Variants in ZC3H12B observed in about 807,000 individuals in gnomAD.
ZC3H12B encodes probable ribonuclease ZC3H12B.
ZC3H12B carries 7 observed loss-of-function variants against 43.9 expected under a neutral mutation model. That is an observed-to-expected ratio of 0.16 (90% CI 0.09 to 0.30). The LOEUF is 0.30. Among genes scored for constraint, ZC3H12B ranks in the 10% least tolerant of loss-of-function variants. The pLI is 1.00. For synonymous variants in ZC3H12B, 222 were observed against 241.7 expected, an observed-to-expected ratio of 0.92 and a Z score of 0.76; for missense variants, 475 against 670.2, an observed-to-expected ratio of 0.71 and a Z score of 3.22.
At chrX:65,055,953 T>C in the ZC3H12B span, among the ~76,000 whole-genome samples, 1 of 112,060 alleles carries the variant, frequency 8.9e-6, no homozygotes, top group East Asian at 2.8e-4. Flanking sequence ...TCATTTTTTA[T>C]TGCATGTGTT....
intron 2 of ZC3H12B, among the ~76,000 whole-genome samples, chrX:65,378,878 C>G (rs2066389790): frequency 8.9e-6 from 1 of 112,418 alleles, no homozygotes; most frequent in Non-Finnish European, 1.9e-5. Context: ...TCACTCCCAC[C>G]CTAATACTGC....
chrX:65,394,371 T>C (rs1156386029), intron 2 of ZC3H12B, among the ~76,000 whole-genome samples: 2 of 112,720 alleles, frequency 1.8e-5, no homozygotes, highest in Non-Finnish European at 1.9e-5. Context: ...CTTGAGCTAA[T>C]TTTTGTATTA....
chrX:65,235,067 A>T, the ZC3H12B span, among the ~76,000 whole-genome samples: 3 of 111,295 alleles, frequency 2.7e-5, no homozygotes, highest in African/African-American at 9.8e-5. Flanking sequence ...ATGTATATGT[A>T]TTTCATTTTC....
chrX:65,461,203 A>G (rs1460895088), intron 3 of ZC3H12B, among the ~76,000 whole-genome samples: 1 of 112,094 alleles, frequency 8.9e-6, no homozygotes, highest in African/African-American at 3.2e-5. Context: ...AAGTCAGGAA[A>G]CAACAGGTGC....
At chrX:65,101,918 G>C in the ZC3H12B span, among the ~76,000 whole-genome samples, 1 of 112,319 alleles carries the variant, frequency 8.9e-6, no homozygotes, top group East Asian at 2.8e-4. Context: ...AAACCTGGCA[G>C]AGACACAACA....
the ZC3H12B span, among the ~76,000 whole-genome samples, chrX:65,267,079 G>A: frequency 9.0e-6 from 1 of 110,514 alleles, no homozygotes; most frequent in South Asian, 3.8e-4. Flanking sequence ...TGACATTTGG[G>A]CTCCACACAA....
the ZC3H12B span, among the ~76,000 whole-genome samples, chrX:65,038,701 A>G: frequency 9.0e-6 from 1 of 111,255 alleles, no homozygotes; most frequent in Non-Finnish European, 1.9e-5. Flanking sequence ...GGCAGCATGT[A>G]AAATAGGGTA....
chrX:65,456,446 CCTGTCT>C (rs2067613149), intron 3 of ZC3H12B, among the ~76,000 whole-genome samples: 1 of 48,930 alleles, frequency 2.0e-5, no homozygotes, highest in Admixed American at 2.6e-4. Flanking sequence ...TCTCCCTCTC[CCTGTCT>C]CCACAGTCTC....
At chrX:65,201,981 C>T in the ZC3H12B span, among the ~76,000 whole-genome samples, 1 of 99,743 alleles carries the variant, frequency 1.0e-5, no homozygotes, top group East Asian at 3.0e-4. Flanking sequence ...TTTCCTGAGG[C>T]CTCCTTAGCC....
At chrX:65,227,071 T>G in the ZC3H12B span, among the ~76,000 whole-genome samples, 147 of 111,101 alleles carry the variant, frequency 1.3e-3, no homozygotes, top group Middle Eastern at 4.6e-3. Flanking sequence ...CAAATCAACA[T>G]AATATACATT....
At chrX:65,455,399 A>G (rs191819968) in intron 3 of ZC3H12B, among the ~76,000 whole-genome samples, 186 of 112,276 alleles carry the variant, frequency 1.7e-3, no homozygotes, top group Non-Finnish European at 2.5e-3. Context: ...CAAATGAATG[A>G]AATGAAGCGA....
chrX:65,053,237 C>G, the ZC3H12B span, among the ~76,000 whole-genome samples: 1 of 110,832 alleles, frequency 9.0e-6, no homozygotes, highest in African/African-American at 3.3e-5. Flanking sequence ...AGGTATATCT[C>G]CTAATGCTAT....
At chrX:65,370,467 G>T (rs1305639687) in intron 2 of ZC3H12B, among the ~76,000 whole-genome samples, 1 of 111,825 alleles carries the variant, frequency 8.9e-6, no homozygotes, top group Non-Finnish European at 1.9e-5. Flanking sequence ...AAAGTACTTT[G>T]TAGGCAATAA....
chrX:65,424,451 G>T (rs61099364), intron 3 of ZC3H12B, among the ~76,000 whole-genome samples: 9,265 of 111,674 alleles, frequency 0.083, 1,025 homozygotes, highest in African/African-American at 0.29. Flanking sequence ...CTTTTGCTCT[G>T]CAGGAGCTAT....
the ZC3H12B span, among the ~76,000 whole-genome samples, chrX:65,221,061 G>A: frequency 7.2e-4 from 80 of 111,620 alleles, no homozygotes; most frequent in African/African-American, 2.5e-3. Context: ...TCAATACCAT[G>A]CAAATACATG....
At chrX:65,497,066 C>T in intron 1 of ZC3H12B, 66 bp from the exon 7 acceptor site, 2 of 1,017,888 alleles carry the variant, frequency 2.0e-6, no homozygotes, top group East Asian at 3.3e-5. Flanking sequence ...AAGAAAAAGC[C>T]TGCTTCAGAT....
chrX:65,169,958 G>A, the ZC3H12B span, among the ~76,000 whole-genome samples: 3 of 111,851 alleles, frequency 2.7e-5, no homozygotes, highest in African/African-American at 9.8e-5. Context: ...CCTGAATACA[G>A]CATACTGATG....
the ZC3H12B span, among the ~76,000 whole-genome samples, chrX:65,129,283 A>G: frequency 9.3e-6 from 1 of 107,695 alleles, no homozygotes; most frequent in Non-Finnish European, 1.9e-5. Flanking sequence ...ACATATATAC[A>G]CACACTAGAA....
intron 2 of ZC3H12B, among the ~76,000 whole-genome samples, chrX:65,371,354 A>G (rs775185259): frequency 2.7e-5 from 3 of 111,548 alleles, no homozygotes; most frequent in Non-Finnish European, 5.7e-5. Context: ...AGCCTCAAGG[A>G]TGTTAAAGGT....
Sources: allele counts gnomAD v4.1 joint callset (sites outside exome capture counted in the v4.1 genomes callset), GRCh38; gene constraint gnomAD v4.1.1; transcripts MANE v1.5; gene names NCBI Gene and HGNC (gene_info 2026-07-23, HGNC 2026-07-21).